Variants in SLC12A6 observed in about 807,000 individuals in gnomAD.
SLC12A6 encodes the protein K-Cl cotransporter 3.
A neutral mutation model predicts 135.3 loss-of-function variants in SLC12A6; 66 were observed. That is an observed-to-expected ratio of 0.49 (90% CI 0.40 to 0.60). The LOEUF (loss-of-function observed/expected upper bound fraction) is 0.60. Ranked by LOEUF, SLC12A6 falls within the 20% of genes least tolerant of loss-of-function variation. The probability of loss-of-function intolerance (pLI) is 0.00; values close to 1 mark genes in which losing one functional copy is unlikely to be tolerated. For synonymous variants in SLC12A6, 513 were observed against 508.8 expected, an observed-to-expected ratio of 1.01 and a Z score of -0.11; for missense variants, 1,058 against 1,452.3, an observed-to-expected ratio of 0.73 and a Z score of 4.41.
intron 2 of SLC12A6, among the ~76,000 whole-genome samples, chr15:34,297,484 T>C (rs1895952441): frequency 1.3e-5 from 2 of 152,202 alleles, no homozygotes; most frequent in Non-Finnish European, 2.9e-5. Context: ...CCTATATTCA[T>C]AAAGAAACTA....
At chr15:34,246,103 T>C (rs963528905) in intron 13 of SLC12A6, among the ~76,000 whole-genome samples, 3 of 152,098 alleles carry the variant, frequency 2.0e-5, no homozygotes, top group African/African-American at 7.2e-5. Flanking sequence ...TGGCTAATTT[T>C]TGTATTTTGA....
At chr15:34,236,311 G>A (rs570577317) in intron 23 of SLC12A6, 112 bp from the exon 24 acceptor site, 18 of 814,576 alleles carry the variant, frequency 2.2e-5, no homozygotes, top group Non-Finnish European at 3.8e-5. Context: ...AGAGTGAGAA[G>A]GAATTTGTCA....
intron 2 of SLC12A6, among the ~76,000 whole-genome samples, chr15:34,308,644 A>AAAAC (rs1566858628): frequency 5.3e-5 from 8 of 149,590 alleles, no homozygotes; most frequent in African/African-American, 2.0e-4. Flanking sequence ...AAAAAAAAAA[A>AAAAC]AAAAAAAACA....
chr15:34,272,493 C>A (rs1313039477), intron 3 of SLC12A6, among the ~76,000 whole-genome samples: 1 of 152,122 alleles, frequency 6.6e-6, no homozygotes, highest in Non-Finnish European at 1.5e-5. Flanking sequence ...AAAATATGAT[C>A]TGACTCCATG....
intron 9 of SLC12A6, among the ~76,000 whole-genome samples, chr15:34,253,532 G>A (rs1485347955): frequency 6.6e-6 from 1 of 152,214 alleles, no homozygotes; most frequent in Non-Finnish European, 1.5e-5. Context: ...TGAATGGGGA[G>A]TCAGGAAATC....
intron 2 of SLC12A6, among the ~76,000 whole-genome samples, chr15:34,331,166 T>C (rs1411657945): frequency 1.3e-5 from 2 of 152,250 alleles, no homozygotes; most frequent in East Asian, 1.9e-4. Context: ...GTTTTGTTTG[T>C]CAGGGTAGAG....
chr15:34,258,771 C>T (rs1892922374), intron 5 of SLC12A6, 42 bp downstream of exon 5: 2 of 1,543,956 alleles, frequency 1.3e-6, no homozygotes, highest in Admixed American at 3.3e-5. Context: ...TTCTTATATA[C>T]AGGGCTCTTT....
chr15:34,249,423 T>C (rs1892232052), intron 13 of SLC12A6, among the ~76,000 whole-genome samples: 1 of 151,942 alleles, frequency 6.6e-6, no homozygotes, highest in Non-Finnish European at 1.5e-5. Context: ...AACTACTAGC[T>C]GGGTGTGGTG....
In SLC12A6 at chr15:34,230,665, C is replaced by T. The variant is rs964866602; in HGVS notation, c.*3216G>A. On this transcript the variant is annotated 3_prime_UTR_variant, in exon 26 of 26. Transcript: ENST00000354181. Reference sequence around the variant, plus strand: ...TTCTGTCTTGAAATAGCCCCTTCCCCTAAGGTGCATTCTCTCAAGTTTTCA... The same window carrying T: ...TTCTGTCTTGAAATAGCCCCTTCCCTTAAGGTGCATTCTCTCAAGTTTTCA... The T allele has an allele frequency of 6.6e-6, 1 of 152,644 alleles. No individual in the cohort carries two copies. Among genetic ancestry groups the T allele is most frequent in the East Asian group, 1.9e-4 (1 of 5,204 alleles). The allele number at this position is 152,644 out of a possible 1,614,324, so 9.5% of individuals were successfully genotyped here.
chr15:34,318,842 C>T (rs922954182), intron 2 of SLC12A6: 2 of 1,489,806 alleles, frequency 1.3e-6, no homozygotes, highest in African/African-American at 2.8e-5. Flanking sequence ...ACCTACAGCC[C>T]TGAGGGAGTG....
At chr15:34,295,372 T>C (rs569316383) in intron 2 of SLC12A6, among the ~76,000 whole-genome samples, 1 of 152,338 alleles carries the variant, frequency 6.6e-6, no homozygotes, top group Admixed American at 6.5e-5. Flanking sequence ...TTCTTAGCTT[T>C]AATTTACCAT....
chr15:34,318,055 T>C (rs1888774306), intron 2 of SLC12A6, among the ~76,000 whole-genome samples: 1 of 152,240 alleles, frequency 6.6e-6, no homozygotes, highest in Non-Finnish European at 1.5e-5. Flanking sequence ...TATTGAATTA[T>C]AGTTTAAGCT....
At chr15:34,277,168 CTCCTGCCTGTTATCCCAGTAT>C (rs1894352663) in intron 2 of SLC12A6, among the ~76,000 whole-genome samples, 1 of 152,204 alleles carries the variant, frequency 6.6e-6, no homozygotes, top group African/African-American at 2.4e-5. Context: ...GGTGCAGTGG[CTCCTGCCTGTTATCCCAGTAT>C]TTTGGTGAGC....
At chr15:34,313,190 G>T (rs1888382910) in intron 2 of SLC12A6, among the ~76,000 whole-genome samples, 1 of 152,198 alleles carries the variant, frequency 6.6e-6, no homozygotes, top group African/African-American at 2.4e-5. Flanking sequence ...AAAGCCGCCA[G>T]GCCAAAAGCT....
At chr15:34,262,633 A>G (rs536348721) in intron 3 of SLC12A6, among the ~76,000 whole-genome samples, 64 of 152,292 alleles carry the variant, frequency 4.2e-4, no homozygotes, top group Non-Finnish European at 8.2e-4. Context: ...GGGGCTGCAG[A>G]TGGTGGGACT....
In SLC12A6 at chr15:34,229,901, C is replaced by CA. The variant is rs753809273; in HGVS notation, c.*3979dup. 9 of 1,003,216 alleles carry CA rather than the reference C, an allele frequency of 9.0e-6. No individual in the cohort carries two copies. Among genetic ancestry groups the CA allele is most frequent in the Non-Finnish European group, 1.4e-5 (9 of 637,316 alleles). 62.1% of individuals were successfully genotyped at this position (1,003,216 alleles called of 1,614,324 possible). A position where few individuals can be genotyped will look rare whatever the true frequency, so the allele number is the denominator to read the frequency against. ...ACTAATCACTTATGTTAAAAAGAAC[C>CA]AAAAGACTCTTTTCTCCATGGTGGG... On this transcript the variant is annotated 3_prime_UTR_variant, in exon 26 of 26. Coordinates refer to ENST00000354181, the MANE Select transcript of SLC12A6 (RefSeq NM_001365088.1).
At position 34,254,419 on chromosome 15, in the gene SLC12A6, G is replaced by A. The variant is rs369619875; in HGVS notation, c.1047C>T (p.Ala349=). 20 of 1,613,350 alleles carry A rather than the reference G, an allele frequency of 1.2e-5. No individual in the cohort carries two copies. In the African/African-American group the frequency reaches 2.7e-4, roughly 22 times the overall value. The part of the protein sequence containing the change: ...YVNKFASLFL[A]CVIVSILAIY... ...TGGCCAAGATGGACACAATGACACA[G>A]GCCAGGAAAAGTGAGGCAAACTTGT... is the stretch of plus-strand genomic sequence containing the variant. Residue 349 remains alanine (A), a synonymous_variant, in exon 9 of 26, where the codon GCC becomes GCT. Transcript: ENST00000354181.
chr15:34,336,584 G>T lies in SLC12A6; in HGVS notation c.97C>A (p.Pro33Thr), dbSNP rs767685808. The T allele has an allele frequency of 6.2e-7, 1 of 1,613,764 alleles. No individual in the cohort carries two copies. The highest frequency in any genetic ancestry group is 8.5e-7 in the Non-Finnish European group (1 of 1,179,814). The change falls in exon 2 of 26, where the codon CCG (proline) becomes ACG (threonine). Residue 33 changes from proline (P) to threonine (T), a missense_variant. This residue lies in a region of SLC12A6 where 176 missense variants were observed against 168.9 expected (regional missense o/e 1.04). Coordinates refer to ENST00000354181, the MANE Select transcript of SLC12A6 (RefSeq NM_001365088.1). ...GAACTAGATCGAGAGCTGAGGTCCG[G>T]ACTGGTGTCTGACAAACCTGGAATG... ...DDIPGLSDTS[P>T]DLSSRSSSRV...
At chr15:34,310,571 A>ATGTG (rs1244462361) in intron 2 of SLC12A6, among the ~76,000 whole-genome samples, 2 of 17,648 alleles carry the variant, frequency 1.1e-4, no homozygotes, top group Non-Finnish European at 1.9e-4. Flanking sequence ...GTGTGTGTGT[A>ATGTG]TGTGTGTGTG....
Sources: allele counts gnomAD v4.1 joint callset (sites outside exome capture counted in the v4.1 genomes callset), GRCh38; gene constraint gnomAD v4.1.1; regional missense constraint gnomAD v4.1.1; transcripts MANE v1.5; gene names NCBI Gene and HGNC (gene_info 2026-07-23, HGNC 2026-07-21).